Variants in AGR2 observed in about 807,000 individuals in gnomAD.
AGR2 encodes the protein anterior gradient 2, protein disulphide isomerase family member.
AGR2 carries 27 observed loss-of-function variants against 25.9 expected under a neutral mutation model. The ratio of observed to expected loss-of-function variants is 1.04; its 90% CI spans 0.77 to 1.44. The LOEUF is 1.44. Among genes scored for constraint, AGR2 ranks in the 40% most tolerant of loss-of-function variants. The pLI, the probability that AGR2 is intolerant of heterozygous loss-of-function variation, is 0.00. For synonymous variants in AGR2, 78 were observed against 72.0 expected (o/e 1.08, Z -0.42); for missense variants, 182 against 200.9 (o/e 0.91, Z 0.57).
In AGR2 at chr7:16,801,834, A is replaced by G. The variant is rs777071199; in HGVS notation, c.-7-31T>C. 2.5e-6 allele frequency: 4 copies of G among 1,585,522 alleles called. No homozygotes were observed. In the South Asian group the frequency reaches 4.6e-5, roughly 18 times the overall value. On this transcript the variant is annotated intron_variant, in intron 1 of 7. Coordinates refer to ENST00000419304, the MANE Select transcript of AGR2 (RefSeq NM_006408.4). The stretch of plus-strand genomic sequence containing the variant: ...ATGGAAAACCAACCAAAATCAGTAA[A>G]CAAAATTGAACTAGCAGTCTTCAGG...
chr7:16,804,473 A>G (rs768930403), intron 1 of AGR2, among the ~76,000 whole-genome samples: 5 of 152,196 alleles, frequency 3.3e-5, no homozygotes, highest in Non-Finnish European at 5.9e-5. Context: ...GGCAACAAGA[A>G]TGTCTTTGCA....
intron 7 of AGR2, among the ~76,000 whole-genome samples, chr7:16,793,161 G>T (rs1440935368): frequency 1.3e-5 from 2 of 152,076 alleles, no homozygotes; most frequent in Non-Finnish European, 2.9e-5. Flanking sequence ...TGATTCTTCA[G>T]CCTTAGCCTC....
At position 16,792,140 on chromosome 7, in the gene AGR2, T is replaced by C. The variant is rs1784975794; in HGVS notation, c.*768A>G. 6.6e-6 allele frequency: 1 copy of C among 152,214 alleles called. No individual in the cohort carries two copies. Among genetic ancestry groups the C allele is most frequent in the Admixed American group, 6.5e-5 (1 of 15,274 alleles). The allele number at this position is 152,214 out of a possible 1,614,324, so 9.4% of individuals were successfully genotyped here. A position where few individuals can be genotyped will look rare whatever the true frequency, so the allele number is the denominator to read the frequency against. On this transcript the variant is annotated 3_prime_UTR_variant, in exon 8 of 8. Coordinates refer to ENST00000419304, the MANE Select transcript of AGR2 (RefSeq NM_006408.4). ...CAATTAGTCACATGTTGGCTGAATTTATTTCACTCCAGTACTTTAGGACCT... is the reference window on the plus strand; with the variant it reads ...CAATTAGTCACATGTTGGCTGAATTCATTTCACTCCAGTACTTTAGGACCT...
At chr7:16,797,610 C>T in intron 6 of AGR2, 21 bp downstream of exon 6, 3 of 1,611,906 alleles carry the variant, frequency 1.9e-6, no homozygotes, top group Non-Finnish European at 2.5e-6. Flanking sequence ...TCCGAGTTAT[C>T]TCACTGTCAC....
rs1438581514 is a variant in AGR2, at chr7:16,792,380, T to G, written c.*528A>C. 6.5e-6 allele frequency: 1 copy of G among 152,898 alleles called. No homozygotes were observed. Among genetic ancestry groups the G allele is most frequent in the Non-Finnish European group, 1.5e-5 (1 of 68,246 alleles). 9.5% of individuals were successfully genotyped at this position (152,898 alleles called of 1,614,324 possible). A position where few individuals can be genotyped will look rare whatever the true frequency, so the allele number is the denominator to read the frequency against. On this transcript the variant is annotated 3_prime_UTR_variant, in exon 8 of 8. Coordinates refer to ENST00000419304, the MANE Select transcript of AGR2 (RefSeq NM_006408.4). ...TGTACCTTAGAGTTCCTGGCCAGAG[T>G]TGACTCTAGGTAGTGATGTGATTTT... is the stretch of plus-strand genomic sequence containing the variant.
intron 1 of AGR2, among the ~76,000 whole-genome samples, chr7:16,803,387 C>T (rs565227861): frequency 7.9e-5 from 12 of 152,254 alleles, no homozygotes; most frequent in Admixed American, 7.2e-4. Flanking sequence ...ACCCCGGCAC[C>T]TAACTCTAGT....
chr7:16,802,134 C>A (rs748827939), intron 1 of AGR2, among the ~76,000 whole-genome samples: 2 of 151,958 alleles, frequency 1.3e-5, no homozygotes, highest in Non-Finnish European at 2.9e-5. Flanking sequence ...TAAGTGAGCA[C>A]AGTGCAATAA....
At chr7:16,796,564 C>G (rs148152521) in intron 6 of AGR2, among the ~76,000 whole-genome samples, 130 of 152,270 alleles carry the variant, frequency 8.5e-4, no homozygotes, top group African/African-American at 3.1e-3. Context: ...TGACTTTGAA[C>G]AAAGCCAAAC....
chr7:16,801,203 G>A lies in AGR2; in HGVS notation c.204C>T (p.Ser68=). ...GATGAATAATCATCAAGGGTTTGTT[G>A]CTTTAAAAGACAGAGATTAGACAAA... ...YEEALYKSKT[S]NKPLMIIHHL... is the part of the protein sequence containing the mutation. The change falls in exon 4 of 8, where the codon AGC becomes AGT. Residue 68 remains serine (S), a splice_region_variant and synonymous_variant. Transcript: ENST00000419304. The A allele has an allele frequency of 1.2e-6, 2 of 1,613,760 alleles. No homozygotes were observed. The highest frequency in any genetic ancestry group is 1.7e-6 in the Non-Finnish European group (2 of 1,179,776).
intron 1 of AGR2, 59 bp from the exon 2 acceptor site, chr7:16,801,862 C>T: frequency 6.6e-7 from 1 of 1,504,280 alleles, no homozygotes; most frequent in Admixed American, 1.9e-5. Context: ...TCTTCAGGGT[C>T]TGCAGGTTGC....
chr7:16,796,849 TG>T (rs1785052817), intron 6 of AGR2, among the ~76,000 whole-genome samples: 1 of 152,008 alleles, frequency 6.6e-6, no homozygotes, highest in African/African-American at 2.4e-5. Context: ...GAGAAGGAAG[TG>T]GGGAAAGCAT....
intron 1 of AGR2, among the ~76,000 whole-genome samples, chr7:16,804,140 C>G (rs1013845594): frequency 6.6e-6 from 1 of 152,064 alleles, no homozygotes; most frequent in African/African-American, 2.4e-5. Flanking sequence ...GGGTGACTTT[C>G]TGAGATTCAC....
At position 16,792,846 on chromosome 7, in the gene AGR2, C is replaced by A. The variant is rs540529208; in HGVS notation, c.*62G>T. 1.9e-5 allele frequency: 27 copies of A among 1,429,802 alleles called. No homozygotes were observed. Among genetic ancestry groups the A allele is most frequent in the Non-Finnish European group, 2.6e-5 (26 of 1,012,376 alleles). The allele number at this position is 1,429,802 out of a possible 1,614,324, so 88.6% of individuals were successfully genotyped here. Reference sequence around the variant, plus strand: ...GCTTCCACACTAGCCAGTCTTCTCACACTTCTTCTGGTTTCAAGTCTCAAG... The same window carrying A: ...GCTTCCACACTAGCCAGTCTTCTCAAACTTCTTCTGGTTTCAAGTCTCAAG... On this transcript the variant is annotated 3_prime_UTR_variant, in exon 8 of 8. Coordinates refer to ENST00000419304, the MANE Select transcript of AGR2 (RefSeq NM_006408.4).
At chr7:16,796,262 A>T (rs1373744069) in intron 6 of AGR2, among the ~76,000 whole-genome samples, 1 of 152,238 alleles carries the variant, frequency 6.6e-6, no homozygotes, top group Non-Finnish European at 1.5e-5. Flanking sequence ...ATGTGGGTTA[A>T]AATGCCCTTC....
rs1457572761 is a variant in AGR2 at position 16,799,876 on chromosome 7, C to T, written c.257-59G>A. On this transcript the variant is annotated intron_variant, in intron 4 of 7. Transcript: ENST00000419304. ...CTTAGCATTGGTTAAAAGCTTTGTT[C>T]AATTTTCAGTTAAATTGCATTTTAT... 1.2e-5 allele frequency: 14 copies of T among 1,205,868 alleles called. No homozygotes were observed. The Admixed American group carries it at 1.2e-4, about 11-fold the overall frequency. The allele number at this position is 1,205,868 out of a possible 1,614,324, so 74.7% of individuals were successfully genotyped here.
At chr7:16,801,470 A>G in intron 2 of AGR2, 87 bp from the exon 3 acceptor site, 1 of 1,357,090 alleles carries the variant, frequency 7.4e-7, no homozygotes, top group Non-Finnish European at 1.0e-6. Flanking sequence ...CTGGGATAAT[A>G]GACCCTATAC....
chr7:16,802,219 T>G (rs561239995), intron 1 of AGR2, among the ~76,000 whole-genome samples: 6 of 152,190 alleles, frequency 3.9e-5, no homozygotes, highest in African/African-American at 1.4e-4. Flanking sequence ...GTTTTATTAT[T>G]AGCTCTTATT....
At chr7:16,799,895 A>G (rs1785113066) in intron 4 of AGR2, 78 bp from the exon 5 acceptor site, 1 of 996,032 alleles carries the variant, frequency 1.0e-6, no homozygotes, top group Non-Finnish European at 1.5e-6. Context: ...GTTAAATTGC[A>G]TTTTATTTAC....
chr7:16,793,001 T>G (rs1279527448), intron 7 of AGR2, 44 bp from the exon 8 acceptor site: 4 of 1,566,098 alleles, frequency 2.6e-6, no homozygotes, highest in Non-Finnish European at 3.5e-6. Flanking sequence ...CCATCGTGCG[T>G]TATATCGATA....
Sources: allele counts gnomAD v4.1 joint callset (sites outside exome capture counted in the v4.1 genomes callset), GRCh38; gene constraint gnomAD v4.1.1; transcripts MANE v1.5; gene names NCBI Gene and HGNC (gene_info 2026-07-23, HGNC 2026-07-21).